ZZEF1: variants seen among roughly 807,000 people sequenced by gnomAD.
The protein encoded by ZZEF1 is zinc finger ZZ-type and EF-hand domain containing 1.
A neutral mutation model predicts 342.8 loss-of-function variants in ZZEF1; 157 were observed. That is an observed-to-expected ratio of 0.46 (90% CI 0.40 to 0.52). The LOEUF is 0.52. Ranked by LOEUF, ZZEF1 falls within the 20% of genes least tolerant of loss-of-function variation. ZZEF1 has a pLI of 0.00. For missense variants in ZZEF1, 3,480 were observed against 3,725.6 expected (o/e 0.93, Z 1.72); for synonymous variants, 1,505 against 1,429.1 (o/e 1.05, Z -1.20).
chr17:4,082,322 T>C (rs1233925288), intron 17 of ZZEF1, 115 bp downstream of exon 17: 2 of 972,350 alleles, frequency 2.1e-6, no homozygotes, highest in Non-Finnish European at 3.1e-6. Context: ...CTCGGCTTTC[T>C]AACTGAGTGG....
intron 39 of ZZEF1, among the ~76,000 whole-genome samples, chr17:4,040,575 G>C (rs1319070596): frequency 2.0e-5 from 3 of 152,140 alleles, no homozygotes; most frequent in Admixed American, 2.0e-4. Context: ...AATTAAGAGA[G>C]AAATACAGGC....
chr17:4,072,017 G>A (rs1199863216), intron 25 of ZZEF1, among the ~76,000 whole-genome samples: 3 of 152,112 alleles, frequency 2.0e-5, no homozygotes, highest in South Asian at 2.1e-4. Flanking sequence ...AGAAGACAGC[G>A]GACTAGCATG....
intron 1 of ZZEF1, among the ~76,000 whole-genome samples, chr17:4,131,464 A>G (rs917964419): frequency 7.6e-6 from 1 of 131,458 alleles, no homozygotes; most frequent in African/African-American, 2.7e-5. Context: ...TGTTAACTCC[A>G]AAGAAAATAA....
At chr17:4,126,138 T>G (rs562573279) in intron 1 of ZZEF1, among the ~76,000 whole-genome samples, 1 of 149,668 alleles carries the variant, frequency 6.7e-6, no homozygotes, top group Admixed American at 6.7e-5. Context: ...AGGCAGAGAA[T>G]TGCTTGAACC....
chr17:4,122,070 C>T (rs894677293), intron 2 of ZZEF1, among the ~76,000 whole-genome samples: 7 of 151,252 alleles, frequency 4.6e-5, no homozygotes, highest in Admixed American at 1.3e-4. Context: ...TAGCTCAATA[C>T]GTCACTCAGC....
intron 2 of ZZEF1, 33 bp from the exon 3 acceptor site, chr17:4,117,199 G>T: frequency 6.3e-7 from 1 of 1,576,278 alleles, no homozygotes. Flanking sequence ...TGGTGTTTTG[G>T]GGAAGCCACA....
intron 16 of ZZEF1, among the ~76,000 whole-genome samples, chr17:4,083,763 G>A (rs1341969385): frequency 2.0e-5 from 3 of 150,716 alleles, no homozygotes; most frequent in Non-Finnish European, 2.9e-5. Context: ...TCGACCTCCC[G>A]AGTAGCTGGG....
At chr17:4,040,616 C>G (rs1462472548) in intron 39 of ZZEF1, among the ~76,000 whole-genome samples, 1 of 152,124 alleles carries the variant, frequency 6.6e-6, no homozygotes, top group Non-Finnish European at 1.5e-5. Context: ...TTAACTATAA[C>G]CATGTTTCTA....
chr17:4,093,144 T>C (rs140147484), intron 11 of ZZEF1, among the ~76,000 whole-genome samples: 2 of 151,928 alleles, frequency 1.3e-5, no homozygotes, highest in East Asian at 3.9e-4. Flanking sequence ...AAAAAAATCA[T>C]CCTGTATAAG....
At chr17:4,140,009 G>A (rs913069334) in intron 1 of ZZEF1, among the ~76,000 whole-genome samples, 6 of 152,130 alleles carry the variant, frequency 3.9e-5, no homozygotes, top group African/African-American at 1.4e-4. Flanking sequence ...TCCCTTTCTT[G>A]CTTGTTGGAA....
intron 18 of ZZEF1, 92 bp downstream of exon 18, chr17:4,081,284 T>C (rs2057718533): frequency 1.9e-6 from 2 of 1,031,692 alleles, no homozygotes; most frequent in South Asian, 2.7e-5. Flanking sequence ...ACATTCATAC[T>C]GCAAAGAGGC....
chr17:4,134,230 G>A (rs1370956904), intron 1 of ZZEF1, among the ~76,000 whole-genome samples: 1 of 151,076 alleles, frequency 6.6e-6, no homozygotes, highest in East Asian at 1.9e-4. Flanking sequence ...GAGGTGGGAG[G>A]ACCGCTTGAA....
intron 6 of ZZEF1, among the ~76,000 whole-genome samples, chr17:4,106,679 A>T (rs2058218498): frequency 1.3e-5 from 2 of 152,090 alleles, no homozygotes; most frequent in Non-Finnish European, 2.9e-5. Context: ...TATCTTTCTG[A>T]ATCCCCCAAT....
intron 8 of ZZEF1, 150 bp downstream of exon 8, chr17:4,104,483 T>C (rs1375675254): frequency 2.5e-6 from 2 of 795,986 alleles, no homozygotes; most frequent in Non-Finnish European, 3.9e-6. Flanking sequence ...TAAGGTCTGA[T>C]ACTCAGAGGA....
At chr17:4,010,535 C>A (rs1172849989) in intron 52 of ZZEF1, among the ~76,000 whole-genome samples, 1 of 151,368 alleles carries the variant, frequency 6.6e-6, no homozygotes, top group Non-Finnish European at 1.5e-5. Flanking sequence ...ACCAGCCTGG[C>A]CAACACAGTG....
intron 37 of ZZEF1, among the ~76,000 whole-genome samples, chr17:4,047,244 T>C (rs549342561): frequency 6.6e-6 from 1 of 152,086 alleles, no homozygotes; most frequent in African/African-American, 2.4e-5. Context: ...TCTTTCTCTA[T>C]CAAAAATTAA....
chr17:4,091,701 C>G (rs1454838747), intron 11 of ZZEF1, among the ~76,000 whole-genome samples: 1 of 151,562 alleles, frequency 6.6e-6, no homozygotes, highest in Non-Finnish European at 1.5e-5. Flanking sequence ...CACTTGAACC[C>G]AAGAGGTGGA....
chr17:4,128,904 G>C (rs1483013818), intron 1 of ZZEF1, among the ~76,000 whole-genome samples: 4 of 150,792 alleles, frequency 2.7e-5, no homozygotes, highest in African/African-American at 9.8e-5. Context: ...GAGTAGCTGG[G>C]ATTACAAGCA....
chr17:4,116,860 G>T, intron 3 of ZZEF1, 112 bp downstream of exon 3: 1 of 1,128,554 alleles, frequency 8.9e-7, no homozygotes. Context: ...ACAAACTCAT[G>T]ACTCTGTATT....
Sources: allele counts gnomAD v4.1 joint callset (sites outside exome capture counted in the v4.1 genomes callset), GRCh38; gene constraint gnomAD v4.1.1; transcripts MANE v1.5; gene names NCBI Gene and HGNC (gene_info 2026-07-23, HGNC 2026-07-21).